Variants in LUZP2 observed in about 807,000 individuals in gnomAD.
LUZP2 encodes leucine zipper protein 2.
In LUZP2, 52 loss-of-function variants were observed where a neutral mutation model predicts 51.6. That is an observed-to-expected ratio of 1.01 (90% CI 0.81 to 1.27). LUZP2 has a LOEUF of 1.27. Among genes scored for constraint, LUZP2 ranks in the 50% most tolerant of loss-of-function variants. The probability of loss-of-function intolerance (pLI) is 0.00; values close to 1 mark genes in which losing one functional copy is unlikely to be tolerated. For missense variants in LUZP2, 436 were observed against 395.4 expected (o/e 1.10, Z -0.87); for synonymous variants, 154 against 137.3 (o/e 1.12, Z -0.85).
chr11:24,861,276 C>A (rs1157520674), intron 5 of LUZP2, among the ~76,000 whole-genome samples: 1 of 152,040 alleles, frequency 6.6e-6, no homozygotes, highest in Admixed American at 6.6e-5. Context: ...AAGGAATGAA[C>A]AAAGCCTTCA....
chr11:24,780,930 A>G (rs558437818), intron 5 of LUZP2, among the ~76,000 whole-genome samples: 2 of 152,308 alleles, frequency 1.3e-5, no homozygotes, highest in South Asian at 4.1e-4. Context: ...ATCCCTTTTC[A>G]GCATCCTCAT....
chr11:24,947,763 A>G (rs1854941010), intron 7 of LUZP2, among the ~76,000 whole-genome samples: 1 of 151,834 alleles, frequency 6.6e-6, no homozygotes, highest in African/African-American at 2.4e-5. Flanking sequence ...ATCCTTCAAT[A>G]CTTTGAATAT....
chr11:24,795,540 C>T (rs1461301786), intron 5 of LUZP2, among the ~76,000 whole-genome samples: 2 of 152,094 alleles, frequency 1.3e-5, no homozygotes, highest in East Asian at 1.9e-4. Context: ...GTACTGGGCT[C>T]ATTTCATGAT....
chr11:24,679,480 G>C (rs1019918083), intron 1 of LUZP2, among the ~76,000 whole-genome samples: 2 of 151,944 alleles, frequency 1.3e-5, no homozygotes, highest in Admixed American at 6.6e-5. Flanking sequence ...ACTAAGCTAG[G>C]TACAAATTGT....
chr11:24,514,968 G>T (rs1344394490), intron 1 of LUZP2, among the ~76,000 whole-genome samples: 1 of 152,126 alleles, frequency 6.6e-6, no homozygotes, highest in Non-Finnish European at 1.5e-5. Context: ...ATGAATTATT[G>T]TTAGTAAGAC....
intron 5 of LUZP2, among the ~76,000 whole-genome samples, chr11:24,812,683 G>A (rs758892656): frequency 6.6e-6 from 1 of 152,160 alleles, no homozygotes; most frequent in Non-Finnish European, 1.5e-5. Context: ...TAGGTATGAA[G>A]GGAGACATTA....
At chr11:24,786,634 T>A (rs1164595531) in intron 5 of LUZP2, 1 of 165,452 alleles carries the variant, frequency 6.0e-6, no homozygotes, top group Non-Finnish European at 1.2e-5. Context: ...TATGCATTTA[T>A]ATATTATATA....
chr11:24,603,069 T>C (rs11028055), intron 1 of LUZP2, among the ~76,000 whole-genome samples: 13 of 151,954 alleles, frequency 8.6e-5, no homozygotes, highest in African/African-American at 3.1e-4. Flanking sequence ...TTTGTATAGC[T>C]TCTATACGGC....
intron 7 of LUZP2, among the ~76,000 whole-genome samples, chr11:24,920,419 A>G (rs1252604977): frequency 6.6e-6 from 1 of 151,992 alleles, no homozygotes. Context: ...AACAAAATTT[A>G]ACTCAGCAAT....
At chr11:25,021,302 GA>G (rs57811370) in intron 9 of LUZP2, among the ~76,000 whole-genome samples, 24,185 of 147,786 alleles carry the variant, frequency 0.16, 5,244 homozygotes, top group African/African-American at 0.5. Flanking sequence ...GAATTTGTCA[GA>G]AAAAAAAAAA....
intron 5 of LUZP2, chr11:24,786,558 A>T: frequency 5.8e-6 from 2 of 346,608 alleles, no homozygotes; most frequent in Non-Finnish European, 8.0e-6. Context: ...AAACAGGTGT[A>T]TATAATTATA....
At chr11:24,732,077 C>A (rs1403069671) in intron 2 of LUZP2, 41 bp from the exon 3 acceptor site, 2 of 1,487,746 alleles carry the variant, frequency 1.3e-6, no homozygotes, top group South Asian at 1.2e-5. Context: ...GTCTCAATTT[C>A]TCACCTGAAT....
At chr11:24,503,182 A>G (rs1336411824) in intron 1 of LUZP2, among the ~76,000 whole-genome samples, 1 of 152,212 alleles carries the variant, frequency 6.6e-6, no homozygotes, top group Non-Finnish European at 1.5e-5. Context: ...TTGCACATAC[A>G]TTATCATAAA....
chr11:24,523,201 A>T (rs1419829957), intron 1 of LUZP2, among the ~76,000 whole-genome samples: 1 of 151,992 alleles, frequency 6.6e-6, no homozygotes, highest in Non-Finnish European at 1.5e-5. Flanking sequence ...AGAAATCTAA[A>T]TGTTCTTCAC....
At chr11:24,995,863 A>G (rs1391487946) in intron 9 of LUZP2, among the ~76,000 whole-genome samples, 1 of 151,990 alleles carries the variant, frequency 6.6e-6, no homozygotes, top group African/African-American at 2.4e-5. Flanking sequence ...AGTCAATTCC[A>G]ACTCTGATAA....
chr11:24,521,034 C>A (rs763631027), intron 1 of LUZP2, among the ~76,000 whole-genome samples: 6 of 152,104 alleles, frequency 3.9e-5, no homozygotes, highest in Non-Finnish European at 5.9e-5. Flanking sequence ...TGGGTGTTGC[C>A]ATTTGGTGTA....
At position 24,706,509 on chromosome 11, in the gene LUZP2, C is replaced by A. The variant is rs78447083; in HGVS notation, c.63-22660C>A. Among the ~76,000 whole-genome samples the A allele has an allele frequency of 6.8e-3, 1,035 of 152,212 alleles. 18 individuals carry two copies. Among genetic ancestry groups the A allele is most frequent in the African/African-American group, 0.023 (950 of 41,524 alleles). ...TTCCAACCAAATTCTGCATTCTGCC[C>A]TTGTTTCCATTCTCTTCCTGTGCGG... On this transcript the variant is annotated intron_variant, in intron 1 of 11. Transcript: ENST00000336930.
intron 5 of LUZP2, among the ~76,000 whole-genome samples, chr11:24,887,761 A>T (rs1852719616): frequency 6.6e-6 from 1 of 152,236 alleles, no homozygotes; most frequent in African/African-American, 2.4e-5. Context: ...GTAAAATGAC[A>T]TATTTAAAAG....
chr11:24,825,624 A>G (rs1351309105), intron 5 of LUZP2, among the ~76,000 whole-genome samples: 2 of 152,204 alleles, frequency 1.3e-5, no homozygotes, highest in Non-Finnish European at 2.9e-5. Flanking sequence ...TGTTCAAAAA[A>G]TAAGGAGAAT....
Sources: gnomAD v4.1 joint callset for allele counts (sites outside exome capture counted in the v4.1 genomes callset) on GRCh38, gnomAD v4.1.1 for gene constraint, MANE v1.5 for transcripts, NCBI Gene and HGNC (gene_info 2026-07-23, HGNC 2026-07-21) for gene names.